Variants in DENND1A observed in about 807,000 individuals in gnomAD.
DENND1A encodes the protein DENN domain containing 1A.
A neutral mutation model predicts 113.7 loss-of-function variants in DENND1A; 51 were observed. The ratio of observed to expected loss-of-function variants is 0.45; its 90% confidence interval spans 0.36 to 0.57. The LOEUF (loss-of-function observed/expected upper bound fraction) is 0.57. Ranked by LOEUF, DENND1A falls within the 20% of genes least tolerant of loss-of-function variation. DENND1A has a pLI of 0.00. For missense variants in DENND1A, 1,258 were observed against 1,395.9 expected (o/e 0.90, Z 1.57); for synonymous variants, 565 against 570.8 (o/e 0.99, Z 0.14).
intron 1 of DENND1A, among the ~76,000 whole-genome samples, chr9:123,911,984 G>A (rs896407522): frequency 4.6e-5 from 7 of 152,116 alleles, no homozygotes; most frequent in East Asian, 3.9e-4. Context: ...TTGAGCCACC[G>A]TGCCCTGCCG....
intron 3 of DENND1A, among the ~76,000 whole-genome samples, chr9:123,791,548 T>C (rs1160165003): frequency 1.3e-5 from 2 of 152,188 alleles, no homozygotes; most frequent in African/African-American, 2.4e-5. Flanking sequence ...CTCATTATAC[T>C]GATTATCCAG....
At chr9:123,565,979 T>C (rs1004120125) in intron 12 of DENND1A, among the ~76,000 whole-genome samples, 2 of 152,162 alleles carry the variant, frequency 1.3e-5, no homozygotes, top group African/African-American at 4.8e-5. Context: ...ATATCCAGTA[T>C]TGTATTAAAA....
chr9:123,618,358 G>A (rs181500991), intron 10 of DENND1A, among the ~76,000 whole-genome samples: 2 of 152,290 alleles, frequency 1.3e-5, no homozygotes, highest in African/African-American at 2.4e-5. Context: ...TCTAAGTGTT[G>A]GGTTCAAGCC....
At chr9:123,734,652 G>A (rs368910883) in intron 5 of DENND1A, among the ~76,000 whole-genome samples, 105 of 152,220 alleles carry the variant, frequency 6.9e-4, no homozygotes, top group African/African-American at 2.5e-3. Flanking sequence ...ATTCTCTAAG[G>A]TTCCTTTTCC....
intron 12 of DENND1A, among the ~76,000 whole-genome samples, chr9:123,574,326 A>C (rs2058521235): frequency 6.6e-6 from 1 of 151,934 alleles, no homozygotes; most frequent in Non-Finnish European, 1.5e-5. Context: ...TAAATATATG[A>C]TAGAATTCAC....
intron 2 of DENND1A, among the ~76,000 whole-genome samples, chr9:123,806,241 C>T (rs1835538548): frequency 6.7e-6 from 1 of 150,134 alleles, no homozygotes; most frequent in Admixed American, 6.6e-5. Flanking sequence ...GCCACCATGC[C>T]CGGCCAACAT....
rs559269324 is a variant in DENND1A, at chr9:123,679,730, C to T, written c.303-2941G>A. Among the ~76,000 whole-genome samples, 25 of 152,322 alleles carry T rather than the reference C, an allele frequency of 1.6e-4. 1 individual carries two copies. In the South Asian group the frequency reaches 4.8e-3, roughly 29 times the overall value. On this transcript the variant is annotated intron_variant, in intron 5 of 23. Coordinates refer to ENST00000394215, the MANE Select transcript of DENND1A (RefSeq NM_001352964.2). The stretch of plus-strand genomic sequence containing the variant: ...TCATTAGAGCCGCCACAACAGCTTG[C>T]GCGGCCTGCTAGGCTGCAGGTGAGG...
At position 123,833,095 on chromosome 9, in the gene DENND1A, G is replaced by C. The variant is rs561953859; in HGVS notation, c.89-40465C>G. On this transcript the variant is annotated intron_variant, in intron 2 of 23. Transcript: ENST00000394215. Reference sequence around the variant, plus strand: ...TGCTATGATTGCGCCACTGCGCTCCGGTCTGAACGATGGTGAGACCTCATC... The same window carrying C: ...TGCTATGATTGCGCCACTGCGCTCCCGTCTGAACGATGGTGAGACCTCATC... Among the ~76,000 whole-genome samples the C allele has an allele frequency of 1.5e-3, 196 of 135,010 alleles. 1 individual carries two copies. The highest frequency in any genetic ancestry group is 3.7e-3 in the Admixed American group (46 of 12,504). The allele number at this position is 135,010 out of a possible 152,430, so 88.6% of individuals were successfully genotyped here.
chr9:123,412,364 A>G (rs919552893), intron 19 of DENND1A, among the ~76,000 whole-genome samples: 5 of 152,104 alleles, frequency 3.3e-5, no homozygotes, highest in African/African-American at 4.8e-5. Context: ...GGCCTGCCAA[A>G]CGTGTGCCTG....
At chr9:123,717,721 T>C (rs1263103228) in intron 5 of DENND1A, among the ~76,000 whole-genome samples, 3 of 152,238 alleles carry the variant, frequency 2.0e-5, no homozygotes, top group East Asian at 1.9e-4. Context: ...CAGAGCATCA[T>C]AGGAGCCCTT....
intron 9 of DENND1A, 76 bp from the exon 10 acceptor site, chr9:123,630,552 T>C: frequency 3.1e-6 from 3 of 969,512 alleles, no homozygotes; most frequent in Non-Finnish European, 4.3e-6. Context: ...AGCAATACAA[T>C]TCTATAATTC....
chr9:123,885,642 A>G (rs893327108), intron 1 of DENND1A, among the ~76,000 whole-genome samples: 1 of 152,272 alleles, frequency 6.6e-6, no homozygotes, highest in Admixed American at 6.5e-5. Context: ...CGTTTTTGAA[A>G]GAAGGGAGGT....
intron 13 of DENND1A, among the ~76,000 whole-genome samples, chr9:123,545,658 G>A (rs1045018916): frequency 6.6e-6 from 1 of 151,920 alleles, no homozygotes; most frequent in Non-Finnish European, 1.5e-5. Flanking sequence ...TAGTAGAGAC[G>A]GGGTTTCACT....
At chr9:123,879,309 G>C (rs948284055) in intron 1 of DENND1A, among the ~76,000 whole-genome samples, 1 of 152,120 alleles carries the variant, frequency 6.6e-6, no homozygotes, top group Non-Finnish European at 1.5e-5. Context: ...AAGGTGGGAG[G>C]ATCACTTGAG....
intron 11 of DENND1A, among the ~76,000 whole-genome samples, chr9:123,599,969 C>A (rs1001468815): frequency 6.6e-6 from 1 of 152,112 alleles, no homozygotes; most frequent in Admixed American, 6.5e-5. Flanking sequence ...AAACCACATG[C>A]GCCCAGATTT....
intron 1 of DENND1A, among the ~76,000 whole-genome samples, chr9:123,897,523 A>G (rs1850949366): frequency 1.3e-5 from 2 of 152,226 alleles, no homozygotes; most frequent in African/African-American, 4.8e-5. Flanking sequence ...AGCCCAGACT[A>G]CATACACAAT....
At chr9:123,715,411 C>A (rs991199459) in intron 5 of DENND1A, among the ~76,000 whole-genome samples, 3 of 152,144 alleles carry the variant, frequency 2.0e-5, no homozygotes, top group Non-Finnish European at 4.4e-5. Flanking sequence ...ACAGAAAGTA[C>A]AACTCTCATT....
chr9:123,507,426 A>G (rs943391322), intron 13 of DENND1A, among the ~76,000 whole-genome samples: 2 of 152,256 alleles, frequency 1.3e-5, no homozygotes, highest in Non-Finnish European at 2.9e-5. Flanking sequence ...GGCTAACAAT[A>G]GTTATAATTA....
At chr9:123,758,103 C>T (rs1013675494) in intron 4 of DENND1A, among the ~76,000 whole-genome samples, 4 of 152,126 alleles carry the variant, frequency 2.6e-5, no homozygotes, top group Non-Finnish European at 4.4e-5. Flanking sequence ...GTTAGTCAGC[C>T]CATCAATTCC....
Sources: gnomAD v4.1 joint callset for allele counts (sites outside exome capture counted in the v4.1 genomes callset) on GRCh38, gnomAD v4.1.1 for gene constraint, MANE v1.5 for transcripts, NCBI Gene and HGNC (gene_info 2026-07-23, HGNC 2026-07-21) for gene names.